NEK3: variants seen among roughly 807,000 people sequenced by gnomAD.
The protein encoded by NEK3 is NIMA related kinase 3.
Under a neutral mutation model 66.0 loss-of-function variants are expected in NEK3, and 54 were observed. The ratio of observed to expected loss-of-function variants is 0.82; its 90% CI spans 0.66 to 1.03. The LOEUF (loss-of-function observed/expected upper bound fraction) is 1.03, where lower values mean the gene tolerates loss of function less well. Among genes scored for constraint, NEK3 ranks in the 50% least tolerant of loss-of-function variants. The probability of loss-of-function intolerance (pLI) is 0.00; values close to 1 mark genes in which losing one functional copy is unlikely to be tolerated. For missense variants in NEK3, 593 were observed against 603.0 expected, an observed-to-expected ratio of 0.98 and a Z score of 0.17; for synonymous variants, 200 against 206.2, an observed-to-expected ratio of 0.97 and a Z score of 0.26.
rs753043987 is a variant in NEK3, at chr13:52,154,060, C to T, written c.211+20G>A. The T allele has an allele frequency of 1.9e-6, 3 of 1,604,746 alleles. No homozygotes were observed. In the South Asian group the frequency reaches 3.3e-5, roughly 18 times the overall value. The stretch of plus-strand genomic sequence containing the variant: ...AAATCAAATTCAGAAATGCACATAT[C>T]TGGGGGAATTCGTATTTACCTTCAA... On this transcript the variant is annotated intron_variant, in intron 3 of 15. Coordinates refer to ENST00000610828, the MANE Select transcript of NEK3 (RefSeq NM_002498.3).
chr13:52,153,982 G>A lies in NEK3; in HGVS notation c.222C>T (p.His74=). Residue 74 remains histidine, a synonymous_variant, in exon 4 of 16, where the codon CAC becomes CAT. Coordinates refer to ENST00000610828, the MANE Select transcript of NEK3 (RefSeq NM_002498.3). The stretch of plus-strand genomic sequence containing the variant: ...CACAGTATTCCATCACAATATACAA[G>A]TGTCCTTCAGCTAAAACAGATATAA... ...AFKESFEAEG[H]LYIVMEYCDG... is the part of the protein sequence containing the mutation. The A allele has an allele frequency of 1.2e-6, 2 of 1,612,414 alleles. No homozygotes were observed. The highest frequency in any genetic ancestry group is 1.7e-6 in the Non-Finnish European group (2 of 1,178,816).
intron 4 of NEK3, 126 bp downstream of exon 4, chr13:52,153,762 TTCAGAAA>T (rs1273425143): frequency 3.1e-6 from 2 of 647,980 alleles, no homozygotes; most frequent in Non-Finnish European, 5.3e-6. Flanking sequence ...GTAACACCAA[TTCAGAAA>T]TCAGTCATTT....
In NEK3 at chr13:52,151,024, T is replaced by C. The variant is rs1956341101; in HGVS notation, c.548+122A>G. Reference sequence around the variant, plus strand: ...AGATATATTTCTGCTTTCAGATATATTTCTTAGAAACCAATATGATCCATG... The same window carrying C: ...AGATATATTTCTGCTTTCAGATATACTTCTTAGAAACCAATATGATCCATG... On this transcript the variant is annotated intron_variant, in intron 7 of 15. Transcript: ENST00000610828. The C allele has an allele frequency of 8.3e-6, 6 of 721,052 alleles. 1 individual carries two copies. The South Asian group carries it at 9.2e-5, about 11-fold the overall frequency. The allele number at this position is 721,052 out of a possible 1,614,324, so 44.7% of individuals were successfully genotyped here.
intron 12 of NEK3, 147 bp from the exon 13 acceptor site, chr13:52,136,406 C>G (rs887447643): frequency 1.1e-6 from 1 of 874,900 alleles, no homozygotes; most frequent in African/African-American, 1.7e-5. Flanking sequence ...TCTTTCTAAT[C>G]TAAGTAGCAA....
Position 52,157,786 on chromosome 13 carries a change from T to C in NEK3, c.-57-1538A>G, listed in dbSNP as rs894285072. Among the ~76,000 whole-genome samples the C allele has an allele frequency of 2.6e-5, 4 of 152,232 alleles. 1 individual carries two copies. The South Asian group carries it at 8.3e-4, about 32-fold the overall frequency. ...GGTCCTGAATAACTGGCAGCTATTA[T>C]GATTATTAAAACCTTAGGGAAGTGA... is the stretch of plus-strand genomic sequence containing the variant. On this transcript the variant is annotated intron_variant, in intron 1 of 15. Transcript: ENST00000610828.
rs149127324 is a variant in NEK3 at position 52,133,058 on chromosome 13, C to T, written c.*84G>A. The T allele has an allele frequency of 2.7e-4, 288 of 1,051,842 alleles. No individual in the cohort carries two copies. In the African/African-American group the frequency reaches 3.5e-3, roughly 13 times the overall value. 65.2% of individuals were successfully genotyped at this position (1,051,842 alleles called of 1,614,324 possible). A position where few individuals can be genotyped will look rare whatever the true frequency, so the allele number is the denominator to read the frequency against. On this transcript the variant is annotated 3_prime_UTR_variant, in exon 16 of 16. Coordinates refer to ENST00000610828, the MANE Select transcript of NEK3 (RefSeq NM_002498.3). ...CATTCTGTTTCCAAAGGAAAATATA[C>T]GTCGCATGAACTCATGATCATCTCA...
rs771935441 is a variant in NEK3 at position 52,156,074 on chromosome 13, C to T, written c.117+1G>A. 1 of 1,573,572 alleles carries T rather than the reference C, an allele frequency of 6.4e-7. No homozygotes were observed. The stretch of plus-strand genomic sequence containing the variant: ...AGTGAGCTAATTTCTTTAGTAGTGA[C>T]CTTGGGAAGCCTTATTTCTTTCATG... On this transcript the variant is annotated splice_donor_variant, in intron 2 of 15. Transcript: ENST00000610828. LOFTEE classifies it high-confidence loss of function.
chr13:52,134,106 A>G (rs536387244), intron 14 of NEK3, among the ~76,000 whole-genome samples: 2 of 152,120 alleles, frequency 1.3e-5, no homozygotes, highest in East Asian at 3.9e-4. Flanking sequence ...TCATAGCTCA[A>G]TGCAGCCTCG....
chr13:52,139,524 G>A (rs530632633), intron 11 of NEK3, among the ~76,000 whole-genome samples: 5 of 152,276 alleles, frequency 3.3e-5, no homozygotes, highest in African/African-American at 1.2e-4. Flanking sequence ...TATTATGAAT[G>A]TAATTAACAC....
chr13:52,153,386 A>G (rs943271812), intron 4 of NEK3, among the ~76,000 whole-genome samples: 3 of 152,154 alleles, frequency 2.0e-5, no homozygotes, highest in African/African-American at 7.2e-5. Flanking sequence ...AGCAATTTAA[A>G]TATTTTCCAT....
intron 14 of NEK3, among the ~76,000 whole-genome samples, chr13:52,134,716 C>T (rs1463769587): frequency 2.6e-5 from 4 of 152,142 alleles, no homozygotes; most frequent in Admixed American, 2.6e-4. Context: ...AAATCCAGGA[C>T]CTAAAATTGC....
At chr13:52,153,502 T>C (rs916267070) in intron 4 of NEK3, among the ~76,000 whole-genome samples, 1 of 152,082 alleles carries the variant, frequency 6.6e-6, no homozygotes, top group Non-Finnish European at 1.5e-5. Context: ...AGATTGAGAA[T>C]AGGTACTCCC....
chr13:52,148,213 C>T (rs1956310265), intron 8 of NEK3: 1 of 434,668 alleles, frequency 2.3e-6, no homozygotes, highest in Non-Finnish European at 4.1e-6. Flanking sequence ...TTATGTATTG[C>T]ACAGCCAAAC....
chr13:52,133,871 T>C (rs1173393355), intron 14 of NEK3, 56 bp from the exon 15 acceptor site: 9 of 1,524,012 alleles, frequency 5.9e-6, no homozygotes, highest in Non-Finnish European at 8.0e-6. Context: ...ACTTATTTCA[T>C]GCAGTTTGAT....
intron 11 of NEK3, 145 bp from the exon 12 acceptor site, chr13:52,137,047 T>C (rs1162562082): frequency 1.9e-6 from 1 of 524,422 alleles, no homozygotes; most frequent in Non-Finnish European, 3.3e-6. Flanking sequence ...CAAGGACATG[T>C]ATATTAATAG....
intron 9 of NEK3, 26 bp from the exon 10 acceptor site, chr13:52,144,013 A>T: frequency 7.7e-7 from 1 of 1,305,884 alleles, no homozygotes; most frequent in Non-Finnish European, 1.1e-6. Flanking sequence ...GAGAATTTAG[A>T]GATGTGAAAA....
In NEK3 at chr13:52,154,028, T is replaced by C. The variant is rs534261984; in HGVS notation, c.212-36A>G. ...TATAAGCTCTTTAGAAAAGCTGTAG[T>C]GGCTATAAATCAAATTCAGAAATGC... On this transcript the variant is annotated intron_variant, in intron 3 of 15. Coordinates refer to ENST00000610828, the MANE Select transcript of NEK3 (RefSeq NM_002498.3). 14 of 1,601,434 alleles carry C rather than the reference T, an allele frequency of 8.7e-6. No homozygotes were observed. The South Asian group carries it at 1.4e-4, about 16-fold the overall frequency.
intron 12 of NEK3, 91 bp downstream of exon 12, chr13:52,136,709 C>T (rs1047934158): frequency 8.7e-6 from 6 of 686,156 alleles, no homozygotes; most frequent in East Asian, 3.0e-5. Context: ...TCAGCTTGTA[C>T]TCTTGTTTAT....
intron 10 of NEK3, among the ~76,000 whole-genome samples, chr13:52,141,699 G>A (rs1036792017): frequency 6.6e-6 from 1 of 152,194 alleles, no homozygotes; most frequent in Non-Finnish European, 1.5e-5. Context: ...TCTGTCTACA[G>A]ATTAAACTGG....
Sources: gnomAD v4.1 joint callset for allele counts (sites outside exome capture counted in the v4.1 genomes callset) on GRCh38, gnomAD v4.1.1 for gene constraint, MANE v1.5 for transcripts, NCBI Gene and HGNC (gene_info 2026-07-23, HGNC 2026-07-21) for gene names.